Variants in TMEM184B observed in about 807,000 individuals in gnomAD.
The protein encoded by TMEM184B is transmembrane protein 184B.
Under a neutral mutation model 41.8 loss-of-function variants are expected in TMEM184B, and 17 were observed. The observed-to-expected ratio is 0.41, with a 90% confidence interval of 0.28 to 0.61. The LOEUF (loss-of-function observed/expected upper bound fraction) is 0.61, where lower values mean the gene tolerates loss of function less well. TMEM184B is among the 20% of genes least tolerant of loss of function. TMEM184B has a pLI of 0.34. For missense variants in TMEM184B, 393 were observed against 557.8 expected, an observed-to-expected ratio of 0.70 and a Z score of 2.98; for synonymous variants, 240 against 229.5, an observed-to-expected ratio of 1.05 and a Z score of -0.41.
chr22:38,265,622 A>G (rs2092433241), intron 1 of TMEM184B, among the ~76,000 whole-genome samples: 1 of 152,234 alleles, frequency 6.6e-6, no homozygotes, highest in African/African-American at 2.4e-5. Context: ...ATAAAACCAT[A>G]TATTTGAAAT....
At position 38,220,978 on chromosome 22, in the gene TMEM184B, G is replaced by A. The variant is rs2091240720; in HGVS notation, c.*491C>T. The stretch of plus-strand genomic sequence containing the variant: ...CCACATCCCCACTCCTGCCCGGGGT[G>A]AGGTGAATCTAGCACTGGACAAAGG... On this transcript the variant is annotated 3_prime_UTR_variant, in exon 9 of 9. Transcript: ENST00000361906. 2.0e-6 allele frequency: 2 copies of A among 990,804 alleles called. No homozygotes were observed. Among genetic ancestry groups the A allele is most frequent in the African/African-American group, 3.5e-5 (2 of 57,328 alleles). The allele number at this position is 990,804 out of a possible 1,614,324, so 61.4% of individuals were successfully genotyped here. A position where few individuals can be genotyped will look rare whatever the true frequency, so the allele number is the denominator to read the frequency against.
Position 38,226,538 on chromosome 22 carries a change from T to C in TMEM184B, c.617+241A>G, listed in dbSNP as rs771118089. ...TGTCCCTTTGTGGCCCATCCCTTCA[T>C]GGTACCACTCTGCAGCCTGGACATG... On this transcript the variant is annotated intron_variant, in intron 6 of 8. Transcript: ENST00000361906. This position sits in a 1 kb window ranked among gnomAD's most constrained non-coding sequence, Gnocchi z 4.6. 2 of 465,412 alleles carry C rather than the reference T, an allele frequency of 4.3e-6. No homozygotes were observed. Among genetic ancestry groups the C allele is most frequent in the Non-Finnish European group, 4.0e-6 (1 of 249,300 alleles). 28.8% of individuals were successfully genotyped at this position (465,412 alleles called of 1,614,324 possible). A position where few individuals can be genotyped will look rare whatever the true frequency, so the allele number is the denominator to read the frequency against.
rs186275123 is a variant in TMEM184B, at chr22:38,265,503, G to A, written c.-59+7381C>T. ...CAGGACTCAAAACCAGAAAACCTGG[G>A]TGCTTCCTCCCCCAGGATCTTAGGC... is the stretch of plus-strand genomic sequence containing the variant. On this transcript the variant is annotated intron_variant, in intron 1 of 8. Transcript: ENST00000361906. Among the ~76,000 whole-genome samples, 4 of 152,146 alleles carry A rather than the reference G, an allele frequency of 2.6e-5. No individual in the cohort carries two copies. The East Asian group carries it at 7.7e-4, about 29-fold the overall frequency.
intron 2 of TMEM184B, 43 bp downstream of exon 2, chr22:38,247,727 C>G: frequency 6.4e-7 from 1 of 1,572,076 alleles, no homozygotes; most frequent in Non-Finnish European, 8.6e-7. Flanking sequence ...CAGCCAGGAA[C>G]CTTTCTGGAC....
At chr22:38,254,420 C>T (rs1420055785) in intron 1 of TMEM184B, among the ~76,000 whole-genome samples, 6 of 151,370 alleles carry the variant, frequency 4.0e-5, no homozygotes, top group Admixed American at 3.3e-4. Context: ...GCCAACATGG[C>T]GAAACCCTGT....
At chr22:38,268,116 C>T (rs1164743406) in intron 1 of TMEM184B, among the ~76,000 whole-genome samples, 1 of 152,180 alleles carries the variant, frequency 6.6e-6, no homozygotes, top group Non-Finnish European at 1.5e-5. Flanking sequence ...GGCAGAGTGG[C>T]TCACACCTGT....
At chr22:38,236,905 A>G (rs1348390664) in intron 3 of TMEM184B, among the ~76,000 whole-genome samples, 2 of 152,152 alleles carry the variant, frequency 1.3e-5, no homozygotes, top group Admixed American at 6.5e-5. Flanking sequence ...AGTCCCTTCC[A>G]AACCCGAGGC....
rs2091400566 is a variant in TMEM184B, at chr22:38,225,322, A to C, written c.787+102T>G. On this transcript the variant is annotated intron_variant, in intron 7 of 8. Coordinates refer to ENST00000361906, the MANE Select transcript of TMEM184B (RefSeq NM_012264.5). This position sits in a 1 kb window ranked among gnomAD's most constrained non-coding sequence, Gnocchi z 4.4. ...TGCCCAGTGGGCTGAGGCCCCTCTG[A>C]ACAGGCCCTACAGGCACCAGGGACC... is the stretch of plus-strand genomic sequence containing the variant. The C allele has an allele frequency of 1.4e-6, 2 of 1,408,982 alleles. No homozygotes were observed. Among genetic ancestry groups the C allele is most frequent in the South Asian group, 1.5e-5 (1 of 68,426 alleles). The allele number at this position is 1,408,982 out of a possible 1,614,324, so 87.3% of individuals were successfully genotyped here.
At chr22:38,260,866 C>CT (rs1168672491) in intron 1 of TMEM184B, among the ~76,000 whole-genome samples, 1 of 152,228 alleles carries the variant, frequency 6.6e-6, no homozygotes, top group Admixed American at 6.5e-5. Context: ...GATCCAAACC[C>CT]TTTAGAGCTG....
intron 3 of TMEM184B, among the ~76,000 whole-genome samples, chr22:38,237,044 A>C (rs2091790009): frequency 6.6e-6 from 1 of 152,004 alleles, no homozygotes; most frequent in African/African-American, 2.4e-5. Flanking sequence ...TCCTATTGGC[A>C]GCTCCTTGAG....
intron 1 of TMEM184B, among the ~76,000 whole-genome samples, chr22:38,271,794 G>A (rs931428932): frequency 1.3e-5 from 2 of 152,142 alleles, no homozygotes; most frequent in South Asian, 2.1e-4. Flanking sequence ...ACTCTGATAC[G>A]CACAGCACCC....
chr22:38,235,498 TGTC>T (rs1476442863), intron 3 of TMEM184B, among the ~76,000 whole-genome samples: 2 of 152,238 alleles, frequency 1.3e-5, no homozygotes, highest in African/African-American at 4.8e-5. Context: ...AATCATCAAA[TGTC>T]ATCATCCCTC....
intron 3 of TMEM184B, among the ~76,000 whole-genome samples, chr22:38,241,400 G>A (rs1430822040): frequency 6.6e-6 from 1 of 151,984 alleles, no homozygotes; most frequent in Non-Finnish European, 1.5e-5. Context: ...ATAAGAAAAG[G>A]AAATGCATTG....
chr22:38,261,461 T>G (rs1404261677), intron 1 of TMEM184B, among the ~76,000 whole-genome samples: 1 of 151,988 alleles, frequency 6.6e-6, no homozygotes, highest in Non-Finnish European at 1.5e-5. Context: ...GAAAGCAAAA[T>G]CATCCAATCA....
chr22:38,272,292 TAC>T (rs1337403361), intron 1 of TMEM184B, among the ~76,000 whole-genome samples: 1 of 151,998 alleles, frequency 6.6e-6, no homozygotes, highest in Non-Finnish European at 1.5e-5. Flanking sequence ...ACGGGAAGGA[TAC>T]AGACACCCAA....
rs1001917155 is a variant in TMEM184B at position 38,272,939 on chromosome 22, T to TGCGGGCGGG, written c.-123_-115dup. The TGCGGGCGGG allele has an allele frequency of 2.0e-5, 10 of 494,430 alleles. No individual in the cohort carries two copies. Among genetic ancestry groups the TGCGGGCGGG allele is most frequent in the East Asian group, 1.5e-4 (1 of 6,460 alleles). The allele number at this position is 494,430 out of a possible 1,614,324, so 30.6% of individuals were successfully genotyped here. A position where few individuals can be genotyped will look rare whatever the true frequency, so the allele number is the denominator to read the frequency against. On this transcript the variant is annotated 5_prime_UTR_variant, in exon 1 of 9. Transcript: ENST00000361906. ...CGGACGATGCGCGGCAGCCGGACTC[T>TGCGGGCGGG]GCGGGCGGGGCGGGCGGCGCCGCAG...
intron 1 of TMEM184B, among the ~76,000 whole-genome samples, chr22:38,253,431 G>A (rs1248494081): frequency 6.6e-6 from 1 of 151,826 alleles, no homozygotes; most frequent in African/African-American, 2.4e-5. Context: ...TTAGCCAGAC[G>A]TAGTGGCATG....
intron 3 of TMEM184B, chr22:38,231,605 T>A: frequency 1.7e-6 from 1 of 581,520 alleles, no homozygotes; most frequent in Non-Finnish European, 3.1e-6. Context: ...CTGTCGTGAG[T>A]TCAGGGTTAT....
At position 38,226,934 on chromosome 22, in the gene TMEM184B, C is replaced by A; in HGVS notation, c.526-64G>T. 1.3e-6 allele frequency: 2 copies of A among 1,498,166 alleles called. No individual in the cohort carries two copies. The highest frequency in any genetic ancestry group is 1.8e-6 in the Non-Finnish European group (2 of 1,099,668). The allele number at this position is 1,498,166 out of a possible 1,614,324, so 92.8% of individuals were successfully genotyped here. A position where few individuals can be genotyped will look rare whatever the true frequency, so the allele number is the denominator to read the frequency against. The stretch of plus-strand genomic sequence containing the variant: ...CACAGAAGGCATGAAGCAAGCCCTG[C>A]CTCTGGCAGACGGAACTGTACCGGA... On this transcript the variant is annotated intron_variant, in intron 5 of 8. Transcript: ENST00000361906. The surrounding 1 kb of genome is among the most constrained non-coding windows in gnomAD (Gnocchi z 4.6).
Sources: gnomAD v4.1 joint callset for allele counts (sites outside exome capture counted in the v4.1 genomes callset) on GRCh38, gnomAD v4.1.1 for gene constraint, Gnocchi (gnomAD v3.1) non-coding constraint, MANE v1.5 for transcripts, NCBI Gene and HGNC (gene_info 2026-07-23, HGNC 2026-07-21) for gene names.